Variants in RTTN observed in about 807,000 individuals in gnomAD.
RTTN encodes the protein rotatin.
Under a neutral mutation model 269.2 loss-of-function variants are expected in RTTN, and 182 were observed. That is an observed-to-expected ratio of 0.68 (90% CI 0.60 to 0.76). The LOEUF is 0.76. Among genes scored for constraint, RTTN ranks in the 30% least tolerant of loss-of-function variants. The pLI is 0.00. For missense variants in RTTN, 2,545 were observed against 2,608.6 expected, an observed-to-expected ratio of 0.98 and a Z score of 0.53; for synonymous variants, 1,006 against 963.5, an observed-to-expected ratio of 1.04 and a Z score of -0.82.
At chr18:70,141,739 T>C (rs2060262513) in intron 19 of RTTN, among the ~76,000 whole-genome samples, 1 of 152,112 alleles carries the variant, frequency 6.6e-6, no homozygotes, top group Non-Finnish European at 1.5e-5. Context: ...CTGCACATTG[T>C]GCACATGTAC....
intron 45 of RTTN, among the ~76,000 whole-genome samples, 183 bp downstream of exon 45, chr18:70,020,432 C>G (rs1262625529): frequency 1.3e-5 from 2 of 152,170 alleles, no homozygotes; most frequent in African/African-American, 4.8e-5. Context: ...AGCTCCTGTC[C>G]TTCTGCACGT....
chr18:70,134,797 C>T (rs997306669), intron 22 of RTTN, among the ~76,000 whole-genome samples: 8 of 152,196 alleles, frequency 5.3e-5, no homozygotes, highest in Admixed American at 2.6e-4. Context: ...GGACTTTGTG[C>T]GTCTCCTCCC....
intron 11 of RTTN, among the ~76,000 whole-genome samples, chr18:70,176,257 G>C (rs757115302): frequency 7.4e-6 from 1 of 135,110 alleles, no homozygotes; most frequent in Non-Finnish European, 1.6e-5. Flanking sequence ...ATATGTATAT[G>C]TATAGATAAC....
At chr18:70,143,567 G>A (rs1275301939) in intron 18 of RTTN, among the ~76,000 whole-genome samples, 3 of 152,046 alleles carry the variant, frequency 2.0e-5, no homozygotes, top group Non-Finnish European at 4.4e-5. Context: ...GACACAAAGA[G>A]GGGAACAACG....
chr18:70,162,947 TA>T (rs546843441), intron 14 of RTTN, among the ~76,000 whole-genome samples: 77 of 140,504 alleles, frequency 5.5e-4, no homozygotes, highest in Admixed American at 4.4e-3. Context: ...ACAAGTCAGT[TA>T]AAGAAAGCAA....
chr18:70,130,926 C>T (rs1260523418), intron 23 of RTTN: 1 of 151,372 alleles, frequency 6.6e-6, no homozygotes. Flanking sequence ...ATTATATACC[C>T]ATAAAAATAA....
chr18:70,124,741 T>C (rs1239827866), intron 25 of RTTN, among the ~76,000 whole-genome samples: 2 of 152,040 alleles, frequency 1.3e-5, no homozygotes, highest in African/African-American at 4.8e-5. Context: ...TAGCACACCA[T>C]GGAAGAGAAC....
chr18:70,148,924 T>C lies in RTTN; in HGVS notation c.2286A>G (p.Arg762=). The C allele has an allele frequency of 6.2e-7, 1 of 1,613,550 alleles. No individual in the cohort carries two copies. The highest frequency in any genetic ancestry group is 1.1e-5 in the South Asian group (1 of 91,066). Residue 762 remains arginine (R), a synonymous_variant, in exon 17 of 49, where the codon CGA becomes CGG. Coordinates refer to ENST00000640769, the MANE Select transcript of RTTN (RefSeq NM_173630.4). ...ACGATGGCTTTTTCACTAGCAAAAG[T>C]CGCAGCATGGACTTTAATCGGGTAG... The part of the protein sequence containing the change: ...PCTTRLKSML[R]LLLVKKPSVR...
At chr18:70,201,869 G>C in intron 4 of RTTN, 25 bp downstream of exon 4, 1 of 1,439,894 alleles carries the variant, frequency 6.9e-7, no homozygotes, top group Non-Finnish European at 9.6e-7. Flanking sequence ...AAGTCAACAG[G>C]ATTTACTTCC....
chr18:70,048,860 T>TA (rs1047694049), intron 39 of RTTN, among the ~76,000 whole-genome samples: 6 of 151,866 alleles, frequency 4.0e-5, no homozygotes, highest in Admixed American at 3.9e-4. Context: ...GCAATTGATT[T>TA]AAAAAAATAA....
intron 10 of RTTN, among the ~76,000 whole-genome samples, chr18:70,184,497 A>G (rs1568531484): frequency 6.6e-6 from 1 of 152,074 alleles, no homozygotes; most frequent in Admixed American, 6.6e-5. Context: ...CAGTGCAGTG[A>G]GCCAAGATCA....
Position 70,164,149 on chromosome 18 carries a change from G to A in RTTN, c.1929+1913C>T, listed in dbSNP as rs114255213. On this transcript the variant is annotated intron_variant, in intron 14 of 48. Coordinates refer to ENST00000640769, the MANE Select transcript of RTTN (RefSeq NM_173630.4). ...AATGGTGATGATGGTACAACAATAC[G>A]AATGTACTTATGCCACTGAATTGTA... 2.9e-3 allele frequency among the ~76,000 whole-genome samples: 435 copies of A among 152,046 alleles called. 1 individual carries two copies. Among genetic ancestry groups the A allele is most frequent in the African/African-American group, 9.7e-3 (403 of 41,446 alleles).
chr18:70,045,049 A>G (rs989236914), intron 40 of RTTN, among the ~76,000 whole-genome samples: 3 of 152,232 alleles, frequency 2.0e-5, no homozygotes, highest in Non-Finnish European at 1.5e-5. Context: ...TGGACAAAAG[A>G]CAGCTGAATA....
chr18:70,149,029 G>C lies in RTTN; in HGVS notation c.2181C>G (p.Ala727=). 2 of 1,612,372 alleles carry C rather than the reference G, an allele frequency of 1.2e-6. No homozygotes were observed. The highest frequency in any genetic ancestry group is 8.5e-7 in the Non-Finnish European group (1 of 1,179,000). Residue 727 remains alanine, a synonymous_variant, in exon 17 of 49, where the codon GCC becomes GCG. Coordinates refer to ENST00000640769, the MANE Select transcript of RTTN (RefSeq NM_173630.4). Reference sequence around the variant, plus strand: ...AGTTACCCAGAGGATCTTCTGTGTCGGCATAGCCCTAATAGATTTGTTTTT... The same window carrying C: ...AGTTACCCAGAGGATCTTCTGTGTCCGCATAGCCCTAATAGATTTGTTTTT... ...CPVIPILQGY[A]DTEDPLGNCI...
At chr18:70,194,525 T>C (rs906761207) in intron 7 of RTTN, 1 of 152,264 alleles carries the variant, frequency 6.6e-6, no homozygotes. Flanking sequence ...TGAAGCATTA[T>C]TCACAACCGC....
At position 70,006,387 on chromosome 18, in the gene RTTN, A is replaced by C. The variant is rs1240565785; in HGVS notation, c.6519T>G (p.Tyr2173Ter). 1 of 1,612,616 alleles carries C rather than the reference A, an allele frequency of 6.2e-7. No individual in the cohort carries two copies. The highest frequency in any genetic ancestry group is 8.5e-7 in the Non-Finnish European group (1 of 1,178,614). ...AATGATTTTTAAAACTGACCTTCTG[A>C]TAATTGTAAATCAGAGCCCAAAGGG... is the stretch of plus-strand genomic sequence containing the variant. ...AAALWALIYN[Y>*]QKAKTALKSP... is the part of the protein sequence containing the mutation. The change falls in exon 47 of 49, where the codon TAT becomes TAG. Residue 2173 changes from tyrosine (Y) to a stop codon, truncating the protein, a stop_gained. Coordinates refer to ENST00000640769, the MANE Select transcript of RTTN (RefSeq NM_173630.4). LOFTEE classifies it high-confidence loss of function.
At chr18:70,144,493 T>A (rs1449351452) in intron 18 of RTTN, among the ~76,000 whole-genome samples, 1 of 152,118 alleles carries the variant, frequency 6.6e-6, no homozygotes, top group Admixed American at 6.6e-5. Flanking sequence ...AAAACCAGCA[T>A]CAGGAAAAAG....
Position 70,121,591 on chromosome 18 carries a change from G to A in RTTN, c.3493C>T (p.Leu1165Phe), listed in dbSNP as rs374020776. The A allele has an allele frequency of 6.3e-7, 1 of 1,578,602 alleles. No homozygotes were observed. Among genetic ancestry groups the A allele is most frequent in the African/African-American group, 1.4e-5 (1 of 72,614 alleles). The change falls in exon 26 of 49, where the codon CTT becomes TTT. Residue 1165 changes from leucine to phenylalanine, a missense_variant. Transcript: ENST00000640769. ...KEQRKNSSLE[L>F]LNWILELLLR... is the part of the protein sequence containing the mutation. ...AGTAATTCGAGAATCCAGTTTAGAA[G>A]TTCTAGTGAAGAATTTTTTCTTTGT...
At position 70,205,343 on chromosome 18, in the gene RTTN, T is replaced by A. The variant is rs577571043; in HGVS notation, c.32-28A>T. On this transcript the variant is annotated intron_variant, in intron 1 of 48. Transcript: ENST00000640769. ...GTCAACGAACGGCACAAAACTATTT[T>A]ATTTCCCGACTGCAAAGAGACTACG... is the stretch of plus-strand genomic sequence containing the variant. 9 of 1,611,440 alleles carry A rather than the reference T, an allele frequency of 5.6e-6. No individual in the cohort carries two copies. The African/African-American group carries it at 1.1e-4, about 19-fold the overall frequency.
Sources: allele counts gnomAD v4.1 joint callset (sites outside exome capture counted in the v4.1 genomes callset), GRCh38; gene constraint gnomAD v4.1.1; transcripts MANE v1.5; gene names NCBI Gene and HGNC (gene_info 2026-07-23, HGNC 2026-07-21).